CNNM2: variants seen among roughly 807,000 people sequenced by gnomAD.
The protein encoded by CNNM2 is cyclin and CBS domain divalent metal cation transport mediator 2, also known as metal transporter CNNM2.
A neutral mutation model predicts 66.9 loss-of-function variants in CNNM2; 12 were observed. The ratio of observed to expected loss-of-function variants is 0.18; its 90% CI spans 0.11 to 0.29. CNNM2 has a LOEUF of 0.29. Among genes scored for constraint, CNNM2 ranks in the 10% least tolerant of loss-of-function variants. The pLI is 1.00. For missense variants in CNNM2, 705 were observed against 1,167.7 expected (o/e 0.60, Z 5.77); for synonymous variants, 557 against 501.8 (o/e 1.11, Z -1.47).
intron 1 of CNNM2, among the ~76,000 whole-genome samples, chr10:102,945,587 C>T (rs1033513716): frequency 2.6e-5 from 4 of 152,032 alleles, no homozygotes; most frequent in African/African-American, 9.7e-5. Context: ...ACCCTCCAGC[C>T]ACACTGAAGC....
At chr10:103,041,888 C>T (rs1177596137) in intron 1 of CNNM2, among the ~76,000 whole-genome samples, 1 of 152,152 alleles carries the variant, frequency 6.6e-6, no homozygotes, top group African/African-American at 2.4e-5. Flanking sequence ...TTAGCGCTGG[C>T]TCTTTTCGCC....
intron 1 of CNNM2, among the ~76,000 whole-genome samples, chr10:102,939,610 C>T (rs1846355266): frequency 6.6e-6 from 1 of 152,164 alleles, no homozygotes; most frequent in African/African-American, 2.4e-5. Context: ...ATGTCTCCTT[C>T]CATGTTCTTT....
At chr10:103,028,814 C>CTTTTTTT (rs67846722) in intron 1 of CNNM2, among the ~76,000 whole-genome samples, 7 of 126,174 alleles carry the variant, frequency 5.5e-5, no homozygotes, top group Non-Finnish European at 9.6e-5. Context: ...TTTTCTTTTT[C>CTTTTTTT]TTTTTTTTTT....
chr10:103,068,810 G>A, intron 5 of CNNM2, 88 bp downstream of exon 5: 1 of 1,044,322 alleles, frequency 9.6e-7, no homozygotes, highest in Non-Finnish European at 1.4e-6. Flanking sequence ...GTATCTGCCA[G>A]CTGACCCCAT....
At chr10:102,963,299 C>G (rs1027208069) in intron 1 of CNNM2, among the ~76,000 whole-genome samples, 8 of 152,210 alleles carry the variant, frequency 5.3e-5, no homozygotes, top group Non-Finnish European at 7.3e-5. Context: ...CACCACCACC[C>G]CCTTTCCTTG....
rs756960666 is a variant in CNNM2, at chr10:102,918,566, C to T, written c.86C>T (p.Ala29Val). Residue 29 changes from alanine to valine, a missense_variant, in exon 1 of 8, where the codon GCG becomes GTG. By Grantham distance (64) the Ala-to-Val change is moderately conservative (BLOSUM62 0). Transcript: ENST00000369878. The surrounding 1 kb of genome is among the most constrained non-coding windows in gnomAD (Gnocchi z 4.1). ...GCACTGCCCACTTGGAAGATGGCGGCGCGCCGCAGCCTCAGCGCTCGCGGC... is the reference window on the plus strand; with the variant it reads ...GCACTGCCCACTTGGAAGATGGCGGTGCGCCGCAGCCTCAGCGCTCGCGGC... ...AAALPTWKMAARRSLSARGRG... is the reference protein window; with the variant it reads ...AAALPTWKMAVRRSLSARGRG... 1 of 1,585,544 alleles carries T rather than the reference C, an allele frequency of 6.3e-7. No homozygotes were observed. The highest frequency in any genetic ancestry group is 1.1e-5 in the South Asian group (1 of 87,882).
chr10:102,931,779 G>A (rs1426217729), intron 1 of CNNM2, among the ~76,000 whole-genome samples: 1 of 149,966 alleles, frequency 6.7e-6, no homozygotes. Context: ...TGCACCATTT[G>A]ACATTCCCAT....
At chr10:103,031,607 A>G (rs1286089805) in intron 1 of CNNM2, among the ~76,000 whole-genome samples, 1 of 152,208 alleles carries the variant, frequency 6.6e-6, no homozygotes, top group Non-Finnish European at 1.5e-5. Context: ...CACTCACCCG[A>G]TGTCTTAGCC....
chr10:102,918,535 G>A lies in CNNM2; in HGVS notation c.55G>A (p.Ala19Thr), dbSNP rs1344820808. The part of the protein sequence containing the change: ...PKVKMAGGQA[A>T]AALPTWKMAA... ...AGTAAAGATGGCGGGCGGGCAGGCA[G>A]CCGCCGCACTGCCCACTTGGAAGAT... Residue 19 changes from alanine (A) to threonine (T), a missense_variant, in exon 1 of 8, where the codon GCC becomes ACC. Around this residue, in one of 9 missense-constraint regions of CNNM2, gnomAD observed 98 missense variants for 73.6 expected, o/e 1.33. Coordinates refer to ENST00000369878, the MANE Select transcript of CNNM2 (RefSeq NM_017649.5). The surrounding 1 kb of genome is among the most constrained non-coding windows in gnomAD (Gnocchi z 4.1). 2 of 1,602,710 alleles carry A rather than the reference G, an allele frequency of 1.2e-6. No individual in the cohort carries two copies. The highest frequency in any genetic ancestry group is 1.7e-6 in the Non-Finnish European group (2 of 1,177,044).
intron 1 of CNNM2, among the ~76,000 whole-genome samples, chr10:103,004,072 A>G (rs961412396): frequency 8.2e-6 from 1 of 121,848 alleles, no homozygotes; most frequent in African/African-American, 3.1e-5. Context: ...GGCTCACTGC[A>G]ACCTCTGCCC....
chr10:102,994,073 A>G (rs1242856895), intron 1 of CNNM2, among the ~76,000 whole-genome samples: 1 of 152,068 alleles, frequency 6.6e-6, no homozygotes, highest in Non-Finnish European at 1.5e-5. Flanking sequence ...AGTAGCTGGG[A>G]TTACAGGCAC....
At chr10:103,033,074 T>C (rs1375198009) in intron 1 of CNNM2, among the ~76,000 whole-genome samples, 1 of 149,052 alleles carries the variant, frequency 6.7e-6, no homozygotes, top group African/African-American at 2.5e-5. Context: ...GCCATGATCA[T>C]GCCACTGCAC....
intron 1 of CNNM2, among the ~76,000 whole-genome samples, chr10:102,928,591 A>G (rs1241221369): frequency 2.0e-5 from 3 of 152,096 alleles, no homozygotes; most frequent in African/African-American, 7.2e-5. Flanking sequence ...TCAAAAAAAA[A>G]AAAAAAAAGA....
At position 103,089,826 on chromosome 10, in the gene CNNM2, G is replaced by A; in HGVS notation, c.*12646G>A. 6.2e-7 allele frequency: 1 copy of A among 1,614,110 alleles called. No individual in the cohort carries two copies. Among genetic ancestry groups the A allele is most frequent in the Non-Finnish European group, 8.5e-7 (1 of 1,180,014 alleles). Reference sequence around the variant, plus strand: ...GTAGTCAGTGTCTTTGAAATCCACTGATGTGCGGTTCCGGGTGGCAAGAGG... The same window carrying A: ...GTAGTCAGTGTCTTTGAAATCCACTAATGTGCGGTTCCGGGTGGCAAGAGG... On this transcript the variant is annotated 3_prime_UTR_variant, in exon 8 of 8. Coordinates refer to ENST00000369878, the MANE Select transcript of CNNM2 (RefSeq NM_017649.5).
At chr10:103,012,639 C>T (rs2064365595) in intron 1 of CNNM2, among the ~76,000 whole-genome samples, 2 of 118,050 alleles carry the variant, frequency 1.7e-5, no homozygotes, top group African/African-American at 3.2e-5. Flanking sequence ...CAGAGCAAGA[C>T]TTTTTTTTTT....
intron 1 of CNNM2, among the ~76,000 whole-genome samples, chr10:102,925,698 G>A (rs1280364077): frequency 2.0e-5 from 3 of 152,144 alleles, no homozygotes; most frequent in Admixed American, 1.3e-4. Flanking sequence ...GAGTGTTACC[G>A]TTGGTTTTTA....
intron 1 of CNNM2, among the ~76,000 whole-genome samples, chr10:103,043,926 C>T (rs1208292877): frequency 6.6e-6 from 1 of 152,168 alleles, no homozygotes; most frequent in Non-Finnish European, 1.5e-5. Flanking sequence ...ATTTAAATAC[C>T]AGAACAGTTC....
intron 1 of CNNM2, among the ~76,000 whole-genome samples, chr10:102,933,669 G>A (rs1035292337): frequency 5.9e-5 from 9 of 152,158 alleles, no homozygotes; most frequent in South Asian, 4.1e-4. Context: ...TCCACAATTG[G>A]TTATTGACAG....
In CNNM2 at chr10:103,077,415, A is replaced by G; in HGVS notation, c.*235A>G. Reference sequence around the variant, plus strand: ...ATGGCGTTCAAGATTTTGGAGATGAACTGATTCCGCCCAAATAGAATCATG... The same window carrying G: ...ATGGCGTTCAAGATTTTGGAGATGAGCTGATTCCGCCCAAATAGAATCATG... On this transcript the variant is annotated 3_prime_UTR_variant, in exon 8 of 8. Coordinates refer to ENST00000369878, the MANE Select transcript of CNNM2 (RefSeq NM_017649.5). The G allele has an allele frequency of 2.0e-6, 1 of 502,136 alleles. No homozygotes were observed. 31.1% of individuals were successfully genotyped at this position (502,136 alleles called of 1,614,324 possible).
Sources: gnomAD v4.1 joint callset for allele counts (sites outside exome capture counted in the v4.1 genomes callset) on GRCh38, gnomAD v4.1.1 for gene constraint, gnomAD v4.1.1 regional missense constraint, Gnocchi (gnomAD v3.1) non-coding constraint, MANE v1.5 for transcripts, NCBI Gene and HGNC (gene_info 2026-07-23, HGNC 2026-07-21) for gene names.